Variants in BMPER observed in about 807,000 individuals in gnomAD.
The protein encoded by BMPER is BMP-binding endothelial regulator protein.
Under a neutral mutation model 87.3 loss-of-function variants are expected in BMPER, and 45 were observed. The ratio of observed to expected loss-of-function variants is 0.52; its 90% CI spans 0.41 to 0.66. The LOEUF (loss-of-function observed/expected upper bound fraction) is 0.66, where lower values mean the gene tolerates loss of function less well. BMPER is among the 30% of genes least tolerant of loss of function. BMPER has a pLI of 0.00. For synonymous variants in BMPER, 326 were observed against 316.2 expected, an observed-to-expected ratio of 1.03 and a Z score of -0.33; for missense variants, 784 against 867.5, an observed-to-expected ratio of 0.90 and a Z score of 1.21.
At chr7:34,017,757 AG>A (rs1334353454) in intron 6 of BMPER, among the ~76,000 whole-genome samples, 1 of 151,900 alleles carries the variant, frequency 6.6e-6, no homozygotes, top group Non-Finnish European at 1.5e-5. Flanking sequence ...CTACACTTCA[AG>A]GAGTTCCCAA....
chr7:33,963,477 T>A (rs757722636), intron 3 of BMPER, among the ~76,000 whole-genome samples: 2 of 152,148 alleles, frequency 1.3e-5, no homozygotes, highest in African/African-American at 2.4e-5. Flanking sequence ...TTTATAAAAG[T>A]ATCAGTCCAC....
intron 14 of BMPER, among the ~76,000 whole-genome samples, chr7:34,147,068 A>G (rs1259342225): frequency 1.3e-5 from 2 of 152,178 alleles, no homozygotes; most frequent in African/African-American, 4.8e-5. Flanking sequence ...ATACATGGAA[A>G]AGGTGCTGGA....
chr7:33,965,489 T>C (rs1042387289), intron 3 of BMPER, among the ~76,000 whole-genome samples: 5 of 152,194 alleles, frequency 3.3e-5, no homozygotes, highest in Admixed American at 6.5e-5. Flanking sequence ...TGAATTGAGG[T>C]TGATTAGCTT....
intron 12 of BMPER, among the ~76,000 whole-genome samples, 165 bp from the exon 13 acceptor site, chr7:34,085,591 T>G (rs1428443960): frequency 6.6e-6 from 1 of 152,204 alleles, no homozygotes; most frequent in Non-Finnish European, 1.5e-5. Flanking sequence ...TTTCACACAT[T>G]ATTCACTATA....
chr7:33,975,184 T>G (rs1269864202), intron 6 of BMPER, among the ~76,000 whole-genome samples: 1 of 152,092 alleles, frequency 6.6e-6, no homozygotes, highest in African/African-American at 2.4e-5. Context: ...CGTGCCTCCT[T>G]TTTTGGGGGA....
intron 11 of BMPER, among the ~76,000 whole-genome samples, chr7:34,077,875 T>C (rs993798227): frequency 2.6e-5 from 4 of 152,166 alleles, no homozygotes; most frequent in Non-Finnish European, 4.4e-5. Flanking sequence ...TTATTCTTGA[T>C]CTGGCTATTA....
At chr7:33,962,112 CT>C (rs1785286909) in intron 3 of BMPER, among the ~76,000 whole-genome samples, 1 of 152,146 alleles carries the variant, frequency 6.6e-6, no homozygotes, top group African/African-American at 2.4e-5. Context: ...GTGTGGTATT[CT>C]TTCTCCCTTG....
intron 4 of BMPER, among the ~76,000 whole-genome samples, chr7:33,970,037 C>T (rs941806402): frequency 5.9e-5 from 9 of 152,182 alleles, no homozygotes; most frequent in Non-Finnish European, 1.0e-4. Context: ...TGGGTACTTA[C>T]TGACAGCAAG....
chr7:34,027,965 A>T (rs2127949463), intron 6 of BMPER, among the ~76,000 whole-genome samples: 1 of 152,224 alleles, frequency 6.6e-6, no homozygotes, highest in Non-Finnish European at 1.5e-5. Context: ...ACAAAAAATA[A>T]TGCATGGGTA....
chr7:34,052,047 A>T (rs993718978), intron 8 of BMPER, 77 bp downstream of exon 8: 1 of 1,253,374 alleles, frequency 8.0e-7, no homozygotes, highest in African/African-American at 1.5e-5. Flanking sequence ...GCCATAGCCA[A>T]AGCCAATGGT....
intron 9 of BMPER, among the ~76,000 whole-genome samples, chr7:34,056,712 G>A (rs1004042770): frequency 2.0e-5 from 3 of 151,798 alleles, no homozygotes; most frequent in African/African-American, 7.3e-5. Flanking sequence ...CCACCTCCCG[G>A]GTTCAAGTGA....
intron 13 of BMPER, among the ~76,000 whole-genome samples, chr7:34,115,898 A>G (rs1362985264): frequency 1.3e-5 from 2 of 152,206 alleles, no homozygotes; most frequent in African/African-American, 4.8e-5. Flanking sequence ...TAATTACTTG[A>G]GGAACTGCCA....
rs576645032 is a variant in BMPER at position 34,079,182 on chromosome 7, A to G, written c.1404A>G (p.Lys468=). 4.3e-5 allele frequency: 69 copies of G among 1,613,460 alleles called. No homozygotes were observed. The highest frequency in any genetic ancestry group is 5.8e-5 in the Non-Finnish European group (69 of 1,180,016). The change falls in exon 12 of 15, where the codon AAA becomes AAG. Residue 468 remains lysine, a synonymous_variant. Transcript: ENST00000649409. ...GCTACCTCTTGAAAGTGACCACCAAAGCAGGTGGGGCGTCTGTGGCCTCCC... is the reference window on the plus strand; with the variant it reads ...GCTACCTCTTGAAAGTGACCACCAAGGCAGGTGGGGCGTCTGTGGCCTCCC... The part of the protein sequence containing the change: ...LDGYLLKVTT[K]AGLEISWDGD...
chr7:33,920,199 T>G (rs1479407935), intron 2 of BMPER, among the ~76,000 whole-genome samples: 1 of 152,160 alleles, frequency 6.6e-6, no homozygotes, highest in Non-Finnish European at 1.5e-5. Context: ...ACTTGTCTTC[T>G]CTCACACAGT....
chr7:34,046,517 C>G, intron 7 of BMPER, 112 bp downstream of exon 7: 2 of 1,134,274 alleles, frequency 1.8e-6, no homozygotes, highest in Non-Finnish European at 2.7e-6. Flanking sequence ...TATTTCGTGG[C>G]TTGTTAGAGA....
At chr7:34,048,484 C>T (rs2127958996) in intron 7 of BMPER, among the ~76,000 whole-genome samples, 1 of 152,232 alleles carries the variant, frequency 6.6e-6, no homozygotes. Flanking sequence ...TGTCAGTGTC[C>T]CTGGGATAGG....
chr7:33,996,070 G>C (rs529255244), intron 6 of BMPER, among the ~76,000 whole-genome samples: 2 of 152,326 alleles, frequency 1.3e-5, no homozygotes, highest in South Asian at 4.1e-4. Flanking sequence ...TAACATGGTT[G>C]CTGCAGCAAA....
intron 6 of BMPER, among the ~76,000 whole-genome samples, chr7:33,994,480 C>T (rs4723347): frequency 6.6e-6 from 1 of 152,078 alleles, no homozygotes; most frequent in Admixed American, 6.5e-5. Context: ...TGCTTTGGCT[C>T]GCGCATGGTG....
chr7:33,975,262 T>C (rs1428366405), intron 6 of BMPER, among the ~76,000 whole-genome samples: 1 of 152,144 alleles, frequency 6.6e-6, no homozygotes, highest in African/African-American at 2.4e-5. Context: ...GGTTCTTTAG[T>C]GCAGCCAAAT....
Sources: gnomAD v4.1 joint callset for allele counts (sites outside exome capture counted in the v4.1 genomes callset) on GRCh38, gnomAD v4.1.1 for gene constraint, MANE v1.5 for transcripts, NCBI Gene and HGNC (gene_info 2026-07-23, HGNC 2026-07-21) for gene names.